CCDC171: variants seen among roughly 807,000 people sequenced by gnomAD.
CCDC171 encodes coiled-coil domain containing 171.
Under a neutral mutation model 168.2 loss-of-function variants are expected in CCDC171, and 177 were observed. The ratio of observed to expected loss-of-function variants is 1.05; its 90% CI spans 0.93 to 1.19. The LOEUF is 1.19. Among genes scored for constraint, CCDC171 ranks in the 50% most tolerant of loss-of-function variants. The pLI is 0.00. For missense variants in CCDC171, 1,991 were observed against 1,539.0 expected (o/e 1.29, Z -4.91); for synonymous variants, 687 against 540.8 (o/e 1.27, Z -3.75).
At position 16,058,058 on chromosome 9, in the gene CCDC171, T is replaced by A. The variant is rs200740044; in HGVS notation, n.90-2588T>A. Among the ~76,000 whole-genome samples the A allele has an allele frequency of 9.4e-3, 1,386 of 147,988 alleles. 12 individuals are homozygous for A. Among genetic ancestry groups the A allele is most frequent in the African/African-American group, 0.018 (718 of 39,880 alleles). On this transcript the variant is annotated intron_variant and non_coding_transcript_variant, in intron 1 of 1. Transcript: ENST00000478913. Reference sequence around the variant, plus strand: ...GAATTTTTTGAAAAAAAAAAAATAATAATAATAATAATAAATTGGTTCACC... The same window carrying A: ...GAATTTTTTGAAAAAAAAAAAATAAAAATAATAATAATAAATTGGTTCACC...
intron 18 of CCDC171, among the ~76,000 whole-genome samples, chr9:15,767,805 T>G (rs2056803368): frequency 3.7e-5 from 1 of 26,730 alleles, no homozygotes; most frequent in African/African-American, 1.7e-4. Context: ...GGGCTCTTTT[T>G]CTTTTTTCTT....
chr9:15,578,293 G>C (rs2040835301), intron 3 of CCDC171, among the ~76,000 whole-genome samples: 1 of 149,874 alleles, frequency 6.7e-6, no homozygotes. Context: ...GGAGTGCAGT[G>C]GCATGGTCTC....
At chr9:15,945,076 G>C (rs1354345063) in intron 25 of CCDC171, among the ~76,000 whole-genome samples, 1 of 149,034 alleles carries the variant, frequency 6.7e-6, no homozygotes, top group African/African-American at 2.5e-5. Flanking sequence ...TCCCCTTCCT[G>C]TGTCCATGTG....
chr9:15,735,014 AC>A (rs1463188047), intron 16 of CCDC171, among the ~76,000 whole-genome samples: 1 of 152,214 alleles, frequency 6.6e-6, no homozygotes, highest in Non-Finnish European at 1.5e-5. Context: ...AAAGTAAAAA[AC>A]AATATTTGGA....
chr9:15,721,972 T>G (rs2053512183), intron 12 of CCDC171, 97 bp downstream of exon 12: 1 of 484,250 alleles, frequency 2.1e-6, no homozygotes, highest in African/African-American at 2.0e-5. Flanking sequence ...TTGGGAATGT[T>G]GAACTGACAG....
intron 1 of CCDC171, among the ~76,000 whole-genome samples, chr9:16,052,001 G>C (rs141959306): frequency 6.6e-6 from 1 of 152,256 alleles, no homozygotes; most frequent in East Asian, 1.9e-4. Flanking sequence ...GTTCACTATC[G>C]TGAGAACAGC....
downstream of CCDC171, among the ~76,000 whole-genome samples, chr9:16,063,177 T>C (rs1833954955): frequency 6.6e-6 from 1 of 152,168 alleles, no homozygotes; most frequent in South Asian, 2.1e-4. Context: ...ATGCACAATG[T>C]GAGTAGTGAT....
At chr9:15,681,683 G>A (rs919420305) in intron 10 of CCDC171, among the ~76,000 whole-genome samples, 5 of 151,784 alleles carry the variant, frequency 3.3e-5, no homozygotes, top group Non-Finnish European at 7.4e-5. Flanking sequence ...GCCTTTGGGG[G>A]AAAGAAGGCT....
intron 4 of CCDC171, among the ~76,000 whole-genome samples, chr9:15,590,168 C>A (rs2041876842): frequency 6.6e-6 from 1 of 152,112 alleles, no homozygotes; most frequent in South Asian, 2.1e-4. Flanking sequence ...GATGAGAGAC[C>A]ATGGAAGAAT....
intron 18 of CCDC171, among the ~76,000 whole-genome samples, chr9:15,771,614 G>T (rs1007930366): frequency 2.0e-5 from 3 of 151,890 alleles, no homozygotes; most frequent in African/African-American, 7.3e-5. Context: ...TTTTAATTTT[G>T]CTTGTGATAT....
rs775945370 is a variant in CCDC171, at chr9:15,729,774, C to T, written c.2025C>T (p.Phe675=). ...TAGAGCTGCAGTATTCTGAACTCTT[C>T]CTGGAGGTGCAGAAGAGGGCACAGG... The part of the protein sequence containing the change: ...KELELQYSEL[F]LEVQKRAQKF... Residue 675 remains phenylalanine, a synonymous_variant, in exon 16 of 26, where the codon TTC becomes TTT. Coordinates refer to ENST00000380701, the MANE Select transcript of CCDC171 (RefSeq NM_173550.4). 47 of 1,610,392 alleles carry T rather than the reference C, an allele frequency of 2.9e-5. No homozygotes were observed. The South Asian group carries it at 3.4e-4, about 12-fold the overall frequency.
rs1473071920 is a variant in CCDC171 at position 15,578,993 on chromosome 9, G to A, written c.322G>A (p.Glu108Lys). ...ACGGGCTGCTGAAGAAAGATTAGCC[G>A]AGGCACATAGGATCCAAGAAAAACT... ...GRRAAEERLA[E>K]AHRIQEKLCA... The change falls in exon 4 of 26, where the codon GAG becomes AAG. Residue 108 changes from glutamate to lysine, a missense_variant. Coordinates refer to ENST00000380701, the MANE Select transcript of CCDC171 (RefSeq NM_173550.4). 3.1e-6 allele frequency: 5 copies of A among 1,613,946 alleles called. No individual in the cohort carries two copies. The highest frequency in any genetic ancestry group is 2.2e-5 in the South Asian group (2 of 91,066).
intron 21 of CCDC171, among the ~76,000 whole-genome samples, chr9:15,802,022 A>G (rs894970994): frequency 6.6e-6 from 1 of 151,844 alleles, no homozygotes; most frequent in African/African-American, 2.4e-5. Flanking sequence ...TGGTTTGCTA[A>G]TATTCTGTTG....
intron 24 of CCDC171, among the ~76,000 whole-genome samples, chr9:15,880,231 T>G (rs1935220): frequency 0.79 from 119,698 of 152,052 alleles, 47,918 homozygotes; most frequent in Non-Finnish European, 0.86. Context: ...AATTGGTAAG[T>G]GACATCATTT....
At chr9:15,760,362 T>C (rs1381642638) in intron 18 of CCDC171, among the ~76,000 whole-genome samples, 3 of 152,196 alleles carry the variant, frequency 2.0e-5, no homozygotes, top group African/African-American at 7.2e-5. Context: ...TTCTGAATTA[T>C]ATGCATACTA....
chr9:15,920,794 G>A (rs1825212931), intron 25 of CCDC171, among the ~76,000 whole-genome samples: 1 of 151,556 alleles, frequency 6.6e-6, no homozygotes, highest in Non-Finnish European at 1.5e-5. Flanking sequence ...AACCAAAATG[G>A]TAATTAGAAC....
chr9:15,756,352 A>G (rs2056116455), intron 18 of CCDC171, among the ~76,000 whole-genome samples: 1 of 152,210 alleles, frequency 6.6e-6, no homozygotes, highest in Non-Finnish European at 1.5e-5. Flanking sequence ...AGCTCACACA[A>G]GAATGGTTAC....
chr9:15,677,292 A>C (rs917365928), intron 9 of CCDC171, among the ~76,000 whole-genome samples: 3 of 152,022 alleles, frequency 2.0e-5, no homozygotes, highest in Non-Finnish European at 4.4e-5. Context: ...ATCCTTTTAC[A>C]CGTGTTTATT....
rs541091580 is a variant in CCDC171 at position 15,662,775 on chromosome 9, G to A, written c.916-3388G>A. 2.0e-5 allele frequency among the ~76,000 whole-genome samples: 3 copies of A among 151,850 alleles called. No individual in the cohort carries two copies. In the East Asian group the frequency reaches 5.8e-4, roughly 29 times the overall value. On this transcript the variant is annotated intron_variant, in intron 8 of 25. Transcript: ENST00000380701. ...CAAATCATTGGAGGTCAGGAGTTCG[G>A]GACCAGCCTGGCCAACATGGTGAAA...
Sources: gnomAD v4.1 joint callset for allele counts (sites outside exome capture counted in the v4.1 genomes callset) on GRCh38, gnomAD v4.1.1 for gene constraint, MANE v1.5 for transcripts, NCBI Gene and HGNC (gene_info 2026-07-23, HGNC 2026-07-21) for gene names.